The following POTEJ variants were observed in gnomAD, a reference collection of about 807,000 sequenced individuals.
The protein encoded by POTEJ is POTE ankyrin domain family, member J.
Under a neutral mutation model 69.0 loss-of-function variants are expected in POTEJ, and 11 were observed. The observed-to-expected ratio is 0.16, with a 90% CI of 0.10 to 0.26. POTEJ has a LOEUF of 0.26. POTEJ is among the 10% of genes least tolerant of loss of function. POTEJ has a pLI of 1.00. For missense variants in POTEJ, 327 were observed against 1,045.5 expected, an observed-to-expected ratio of 0.31 and a Z score of 9.48; for synonymous variants, 117 against 381.1, an observed-to-expected ratio of 0.31 and a Z score of 8.07.
At position 130,653,437 on chromosome 2, in the gene POTEJ, C is replaced by A. The variant is rs79776806; in HGVS notation, c.1668-1484C>A. Among the ~76,000 whole-genome samples the A allele has an allele frequency of 6.1e-3, 889 of 144,812 alleles. 109 individuals are homozygous for A. The highest frequency in any genetic ancestry group is 0.013 in the Admixed American group (184 of 14,324). ...GTGGTCTTAGAGTATCATTTGAAGT[C>A]AGGTAATGCGATGCCAACATATTTG... On this transcript the variant is annotated intron_variant, in intron 13 of 14. Transcript: ENST00000409602.
At chr2:130,613,312 A>C (rs1253463916) in intron 1 of POTEJ, among the ~76,000 whole-genome samples, 1 of 134,252 alleles carries the variant, frequency 7.4e-6, no homozygotes, top group Admixed American at 7.5e-5. Context: ...ATGTATATAT[A>C]CATATATATA....
rs1311137470 is a variant in POTEJ, at chr2:130,656,102, T to C, written c.1789-447T>C. ...GAGAAATTCCTTCTGTCCAAATATA[T>C]GCATAGCTAAGGCTCTTAGGATGGT... is the stretch of plus-strand genomic sequence containing the variant. On this transcript the variant is annotated intron_variant, in intron 14 of 14. Coordinates refer to ENST00000409602, the MANE Select transcript of POTEJ (RefSeq NM_001277083.2). Among the ~76,000 whole-genome samples the C allele has an allele frequency of 1.2e-4, 17 of 145,942 alleles. 1 individual carries two copies. Among genetic ancestry groups the C allele is most frequent in the African/African-American group, 4.3e-4 (17 of 39,122 alleles).
intron 9 of POTEJ, among the ~76,000 whole-genome samples, chr2:130,637,399 G>A (rs1280850926): frequency 6.6e-6 from 1 of 150,418 alleles, no homozygotes; most frequent in Non-Finnish European, 1.5e-5. Flanking sequence ...TCATTGCAAC[G>A]TGGGTTCATG....
At chr2:130,637,078 CAA>C (rs771768758) in intron 9 of POTEJ, among the ~76,000 whole-genome samples, 2 of 104,240 alleles carry the variant, frequency 1.9e-5, no homozygotes, top group Admixed American at 1.0e-4. Flanking sequence ...GACTCCGTCT[CAA>C]AAAAAAAAAA....
intron 14 of POTEJ, among the ~76,000 whole-genome samples, chr2:130,655,329 G>C (rs1265261684): frequency 1.3e-5 from 2 of 152,182 alleles, no homozygotes; most frequent in African/African-American, 2.4e-5. Context: ...AATAAGTTTT[G>C]CTACTGAAAA....
chr2:130,637,148 T>A (rs1177599251), intron 9 of POTEJ, among the ~76,000 whole-genome samples: 1 of 151,202 alleles, frequency 6.6e-6, no homozygotes, highest in Admixed American at 6.6e-5. Context: ...TCTGCATTTT[T>A]AAAATCGTTT....
In POTEJ at chr2:130,657,087, A is replaced by T. The variant is rs1220191905; in HGVS notation, c.2327A>T (p.Lys776Met). ...ILLTEAPLNPKANREKMTQIM... is the reference protein window; with the variant it reads ...ILLTEAPLNPMANREKMTQIM... ...CTGACCGAGGCCCCCCTGAACCCCA[A>T]GGCCAACCGCGAGAAGATGACCCAG... The change falls in exon 15 of 15, where the codon AAG (lysine) becomes ATG (methionine). Residue 776 changes from lysine (K) to methionine (M), a missense_variant. Lys to Met is a moderately conservative substitution (Grantham distance 95). Coordinates refer to ENST00000409602, the MANE Select transcript of POTEJ (RefSeq NM_001277083.2). The T allele has an allele frequency of 6.3e-7, 1 of 1,579,738 alleles. No individual in the cohort carries two copies. The highest frequency in any genetic ancestry group is 2.2e-5 in the East Asian group (1 of 44,860).
At chr2:130,634,232 T>C (rs1686011116) in intron 9 of POTEJ, among the ~76,000 whole-genome samples, 1 of 152,128 alleles carries the variant, frequency 6.6e-6, no homozygotes, top group African/African-American at 2.4e-5. Flanking sequence ...CTCTTATTTG[T>C]AAAAGTGCCC....
chr2:130,629,240 C>G (rs868230254), intron 6 of POTEJ, among the ~76,000 whole-genome samples: 1 of 140,882 alleles, frequency 7.1e-6, no homozygotes, highest in Non-Finnish European at 1.6e-5. Context: ...GATTTGCATC[C>G]GAAAGCTGAG....
At chr2:130,632,918 G>T (rs1430391901) in intron 9 of POTEJ, among the ~76,000 whole-genome samples, 4 of 146,760 alleles carry the variant, frequency 2.7e-5, no homozygotes, top group African/African-American at 7.9e-5. Context: ...TAGTTTCAGG[G>T]GTACATGTGC....
intron 1 of POTEJ, among the ~76,000 whole-genome samples, chr2:130,614,300 G>C (rs1326656635): frequency 2.6e-5 from 4 of 151,820 alleles, no homozygotes; most frequent in African/African-American, 7.3e-5. Flanking sequence ...TTAGTGGTAA[G>C]AACTACATTT....
At chr2:130,640,242 A>C (rs1453430975) in intron 10 of POTEJ, among the ~76,000 whole-genome samples, 1 of 143,038 alleles carries the variant, frequency 7.0e-6, no homozygotes, top group Non-Finnish European at 1.5e-5. Context: ...CAAGTGCAGA[A>C]GACAAGATGC....
At chr2:130,655,517 A>G (rs1436740695) in intron 14 of POTEJ, among the ~76,000 whole-genome samples, 1 of 152,246 alleles carries the variant, frequency 6.6e-6, no homozygotes, top group Non-Finnish European at 1.5e-5. Flanking sequence ...TTCTCATTTC[A>G]ATGTAAAGAG....
At chr2:130,625,264 G>T (rs1453660678) in intron 6 of POTEJ, among the ~76,000 whole-genome samples, 3 of 152,180 alleles carry the variant, frequency 2.0e-5, no homozygotes, top group African/African-American at 4.8e-5. Context: ...AGAAAACATT[G>T]CTATTTATGT....
intron 6 of POTEJ, among the ~76,000 whole-genome samples, chr2:130,624,486 C>G (rs1289577728): frequency 6.6e-6 from 1 of 151,390 alleles, no homozygotes; most frequent in Non-Finnish European, 1.5e-5. Context: ...CAGTTCACAA[C>G]AGGTTCATGC....
At chr2:130,619,220 A>AG (rs1685468210) in intron 3 of POTEJ, among the ~76,000 whole-genome samples, 1 of 150,184 alleles carries the variant, frequency 6.7e-6, no homozygotes, top group South Asian at 2.1e-4. Context: ...TGGCCCTCTC[A>AG]GGATTTTGTG....
At chr2:130,628,996 G>A (rs1320210832) in intron 6 of POTEJ, among the ~76,000 whole-genome samples, 1 of 150,568 alleles carries the variant, frequency 6.6e-6, no homozygotes, top group Admixed American at 6.6e-5. Flanking sequence ...CTCCAGCCTG[G>A]TGACAGAGCA....
chr2:130,632,937 T>C (rs1213533847), intron 9 of POTEJ, among the ~76,000 whole-genome samples: 1 of 147,248 alleles, frequency 6.8e-6, no homozygotes, highest in Non-Finnish European at 1.5e-5. Context: ...GCAGGGTTAT[T>C]ATATAGGTAA....
rs188678787 is a variant in POTEJ, at chr2:130,644,474, A to T, written c.1440+421A>T. Among the ~76,000 whole-genome samples the T allele has an allele frequency of 1.9e-3, 295 of 152,018 alleles. 5 individuals are homozygous for T. Among genetic ancestry groups the T allele is most frequent in the African/African-American group, 5.7e-3 (236 of 41,472 alleles). On this transcript the variant is annotated intron_variant, in intron 11 of 14. Coordinates refer to ENST00000409602, the MANE Select transcript of POTEJ (RefSeq NM_001277083.2). ...ACAGAGCGAGACTCCATCTGAAAAAAATATATATATATATTTTAATAGATT... is the reference window on the plus strand; with the variant it reads ...ACAGAGCGAGACTCCATCTGAAAAATATATATATATATATTTTAATAGATT...
Sources: allele counts gnomAD v4.1 joint callset (sites outside exome capture counted in the v4.1 genomes callset), GRCh38; gene constraint gnomAD v4.1.1; transcripts MANE v1.5; gene names NCBI Gene and HGNC (gene_info 2026-07-23, HGNC 2026-07-21).